Variants in NEBL observed in about 807,000 individuals in gnomAD.
NEBL encodes LIM and SH3 protein 2.
NEBL carries 122 observed loss-of-function variants against 140.2 expected under a neutral mutation model. The ratio of observed to expected loss-of-function variants is 0.87; its 90% CI spans 0.75 to 1.01. The LOEUF (loss-of-function observed/expected upper bound fraction) is 1.01, where lower values mean the gene tolerates loss of function less well. Ranked by LOEUF, NEBL falls within the 50% of genes least tolerant of loss-of-function variation. The pLI, the probability that NEBL is intolerant of heterozygous loss-of-function variation, is 0.00. For missense variants in NEBL, 1,365 were observed against 1,231.3 expected (o/e 1.11, Z -1.62); for synonymous variants, 436 against 398.9 (o/e 1.09, Z -1.11).
At chr10:21,141,230 C>T (rs78795009) in intron 2 of NEBL, among the ~76,000 whole-genome samples, 1,735 of 152,136 alleles carry the variant, frequency 0.011, 30 homozygotes, top group African/African-American at 0.037. Flanking sequence ...GAAATCTGAA[C>T]GAGGTCTGTA....
intron 26 of NEBL, chr10:20,793,318 A>T (rs1178325915): frequency 1.1e-6 from 1 of 951,216 alleles, no homozygotes; most frequent in African/African-American, 1.8e-5. Context: ...ATTTAAAAAT[A>T]AAAGCAGTCA....
chr10:20,922,874 A>C (rs1224807056), intron 4 of NEBL, among the ~76,000 whole-genome samples: 4 of 152,216 alleles, frequency 2.6e-5, no homozygotes, highest in African/African-American at 9.6e-5. Flanking sequence ...AGATTCTGAA[A>C]AATGTAAAAT....
chr10:21,021,480 A>G (rs1838789415), intron 2 of NEBL, among the ~76,000 whole-genome samples: 1 of 152,142 alleles, frequency 6.6e-6, no homozygotes, highest in Admixed American at 6.5e-5. Flanking sequence ...TGCAGGGATC[A>G]CTTCAGTCCC....
At chr10:20,895,993 A>G (rs1847436866) in intron 2 of NEBL, among the ~76,000 whole-genome samples, 1 of 152,124 alleles carries the variant, frequency 6.6e-6, no homozygotes, top group South Asian at 2.1e-4. Context: ...TGGGGAGTCA[A>G]CCCAGGCAGG....
chr10:21,165,632 G>A (rs949753093), intron 2 of NEBL, among the ~76,000 whole-genome samples: 21 of 152,114 alleles, frequency 1.4e-4, no homozygotes, highest in African/African-American at 3.4e-4. Flanking sequence ...GCCCAATCTC[G>A]TCTACGTGCC....
At chr10:20,910,848 AG>A (rs1421604778) in intron 4 of NEBL, among the ~76,000 whole-genome samples, 1 of 149,810 alleles carries the variant, frequency 6.7e-6, no homozygotes, top group African/African-American at 2.5e-5. Flanking sequence ...TTTTGGCCAA[AG>A]GGGGATAGGA....
intron 3 of NEBL, among the ~76,000 whole-genome samples, chr10:21,002,551 T>C (rs939208949): frequency 5.9e-5 from 9 of 152,166 alleles, no homozygotes; most frequent in Admixed American, 4.6e-4. Flanking sequence ...GACGGGGTAA[T>C]TTATAAAGAC....
intron 3 of NEBL, among the ~76,000 whole-genome samples, chr10:21,008,332 AAGAG>A (rs1396630357): frequency 6.6e-6 from 1 of 152,178 alleles, no homozygotes; most frequent in Non-Finnish European, 1.5e-5. Flanking sequence ...TATTTCGAGA[AAGAG>A]AGAGACCACA....
chr10:21,099,706 A>T (rs953510171), intron 2 of NEBL, among the ~76,000 whole-genome samples: 1 of 152,164 alleles, frequency 6.6e-6, no homozygotes, highest in Non-Finnish European at 1.5e-5. Flanking sequence ...ATCTCCATGA[A>T]AGGATGGAAG....
chr10:20,858,210 A>G, intron 9 of NEBL, 30 bp downstream of exon 9: 1 of 1,532,400 alleles, frequency 6.5e-7, no homozygotes, highest in Non-Finnish European at 9.0e-7. Flanking sequence ...CCACAAGGCA[A>G]CTACGGTTGC....
intron 2 of NEBL, among the ~76,000 whole-genome samples, chr10:21,167,746 GCATATAAATTCA>G (rs1840843507): frequency 6.6e-6 from 1 of 152,114 alleles, no homozygotes; most frequent in African/African-American, 2.4e-5. Flanking sequence ...GTTTAGCTTG[GCATATAAATTCA>G]CATAGAAATA....
intron 2 of NEBL, among the ~76,000 whole-genome samples, chr10:21,122,738 T>A (rs1470958953): frequency 1.3e-5 from 2 of 152,122 alleles, no homozygotes. Flanking sequence ...AGAAGAGATA[T>A]CTATTTGAGT....
intron 2 of NEBL, among the ~76,000 whole-genome samples, chr10:21,163,462 C>T (rs757852098): frequency 2.6e-5 from 4 of 152,172 alleles, no homozygotes; most frequent in East Asian, 1.9e-4. Context: ...GCCACTCCCA[C>T]GCATTGCCTG....
chr10:21,113,248 G>C (rs1028413650), intron 2 of NEBL: 4 of 262,230 alleles, frequency 1.5e-5, no homozygotes, highest in African/African-American at 1.1e-4. Context: ...CCATGGAAAA[G>C]ACTCAAAACC....
intron 2 of NEBL, among the ~76,000 whole-genome samples, chr10:21,025,910 A>G (rs1315257352): frequency 1.3e-5 from 2 of 152,158 alleles, no homozygotes; most frequent in African/African-American, 2.4e-5. Context: ...CATTACTTAT[A>G]ATATTATTAT....
At chr10:20,798,449 C>A (rs1379213890) in intron 26 of NEBL, among the ~76,000 whole-genome samples, 1 of 152,128 alleles carries the variant, frequency 6.6e-6, no homozygotes, top group Admixed American at 6.5e-5. Flanking sequence ...TACTGTTTTG[C>A]ACATGAGACA....
intron 11 of NEBL, among the ~76,000 whole-genome samples, chr10:20,846,972 G>T (rs1423193047): frequency 6.6e-6 from 1 of 152,050 alleles, no homozygotes; most frequent in Admixed American, 6.6e-5. Flanking sequence ...GCCTATATCT[G>T]CCATTGGAAG....
chr10:21,149,765 G>T (rs1840066179), intron 2 of NEBL, among the ~76,000 whole-genome samples: 1 of 152,200 alleles, frequency 6.6e-6, no homozygotes, highest in Non-Finnish European at 1.5e-5. Context: ...TTGGAAGTGG[G>T]TGACGGGGGC....
At chr10:21,249,085 G>A (rs992565067) in intron 2 of NEBL, among the ~76,000 whole-genome samples, 3 of 152,050 alleles carry the variant, frequency 2.0e-5, no homozygotes, top group African/African-American at 7.2e-5. Context: ...CTGGAGTGCA[G>A]TGGCATGATC....
Sources: gnomAD v4.1 joint callset for allele counts (sites outside exome capture counted in the v4.1 genomes callset) on GRCh38, gnomAD v4.1.1 for gene constraint, MANE v1.5 for transcripts, NCBI Gene and HGNC (gene_info 2026-07-23, HGNC 2026-07-21) for gene names.